Variants in KMT2C observed in about 807,000 individuals in gnomAD.
The protein encoded by KMT2C is lysine methyltransferase 2C.
KMT2C carries 88 observed loss-of-function variants against 507.9 expected under a neutral mutation model. The ratio of observed to expected loss-of-function variants is 0.17; its 90% confidence interval spans 0.15 to 0.21. KMT2C has a LOEUF of 0.21. Among genes scored for constraint, KMT2C ranks in the 10% least tolerant of loss-of-function variants. The pLI is 1.00. For missense variants in KMT2C, 4,954 were observed against 5,957.8 expected (o/e 0.83, Z 5.55); for synonymous variants, 2,049 against 2,080.8 (o/e 0.98, Z 0.42).
chr7:152,371,527 G>C (rs1047905642), intron 1 of KMT2C, among the ~76,000 whole-genome samples: 1 of 151,958 alleles, frequency 6.6e-6, no homozygotes. Flanking sequence ...GCATCTCCTT[G>C]CCTATCAATA....
intron 9 of KMT2C, among the ~76,000 whole-genome samples, chr7:152,259,575 T>C (rs1041005606): frequency 1.3e-5 from 2 of 152,152 alleles, no homozygotes; most frequent in Admixed American, 1.3e-4. Context: ...GTATTATTTT[T>C]ATTTTCTCCA....
rs182130501 is a variant in KMT2C, at chr7:152,258,879, T to C, written c.1299+4137A>G. Reference sequence around the variant, plus strand: ...GAAATTCTGAGGAAAAGCAAGATATTTGCATGGTCTTAAAGTGTCCTTACA... The same window carrying C: ...GAAATTCTGAGGAAAAGCAAGATATCTGCATGGTCTTAAAGTGTCCTTACA... On this transcript the variant is annotated intron_variant, in intron 9 of 58. Coordinates refer to ENST00000262189, the MANE Select transcript of KMT2C (RefSeq NM_170606.3). 5.2e-3 allele frequency among the ~76,000 whole-genome samples: 790 copies of C among 152,220 alleles called. 7 individuals carry two copies. Among genetic ancestry groups the C allele is most frequent in the Non-Finnish European group, 8.4e-3 (574 of 68,010 alleles).
chr7:152,412,974 G>C (rs2097698078), intron 1 of KMT2C, among the ~76,000 whole-genome samples: 1 of 151,844 alleles, frequency 6.6e-6, no homozygotes, highest in Non-Finnish European at 1.5e-5. Flanking sequence ...TAAGATTTAA[G>C]ACATAACCAA....
chr7:152,164,133 T>C (rs1431611107), intron 42 of KMT2C, among the ~76,000 whole-genome samples: 1 of 152,170 alleles, frequency 6.6e-6, no homozygotes. Context: ...ATACTATTTA[T>C]ACTATACATA....
intron 14 of KMT2C, among the ~76,000 whole-genome samples, chr7:152,240,591 T>G (rs1419905220): frequency 6.6e-6 from 1 of 152,294 alleles, no homozygotes; most frequent in Non-Finnish European, 1.5e-5. Flanking sequence ...ATTTCCATTT[T>G]CTCACACAAA....
At chr7:152,371,532 T>C (rs2097293436) in intron 1 of KMT2C, among the ~76,000 whole-genome samples, 1 of 152,004 alleles carries the variant, frequency 6.6e-6, no homozygotes, top group Non-Finnish European at 1.5e-5. Context: ...TCCTTGCCTA[T>C]CAATAATTAT....
At chr7:152,400,222 T>C (rs759662238) in intron 1 of KMT2C, among the ~76,000 whole-genome samples, 5 of 151,888 alleles carry the variant, frequency 3.3e-5, no homozygotes, top group South Asian at 2.1e-4. Context: ...TGAAGAAGAA[T>C]AGCTTGAACC....
intron 6 of KMT2C, among the ~76,000 whole-genome samples, chr7:152,276,617 G>T (rs1183158147): frequency 1.3e-5 from 2 of 152,070 alleles, no homozygotes; most frequent in African/African-American, 4.8e-5. Context: ...GGTGGGCATG[G>T]TGGCATGCAC....
At chr7:152,341,673 A>C (rs1420149547) in intron 2 of KMT2C, among the ~76,000 whole-genome samples, 2 of 152,208 alleles carry the variant, frequency 1.3e-5, no homozygotes, top group Admixed American at 6.5e-5. Flanking sequence ...TAAATAATAT[A>C]CTAAAGTTAG....
chr7:152,159,565 G>C (rs988973344), intron 43 of KMT2C, among the ~76,000 whole-genome samples: 2 of 152,172 alleles, frequency 1.3e-5, no homozygotes, highest in East Asian at 1.9e-4. Flanking sequence ...TGAGAGAACA[G>C]ATAGCACCAG....
chr7:152,330,156 G>A (rs1380142236), intron 3 of KMT2C, among the ~76,000 whole-genome samples: 1 of 132,144 alleles, frequency 7.6e-6, no homozygotes, highest in African/African-American at 2.8e-5. Flanking sequence ...AAAAGGGAGG[G>A]GGGGAGGGGT....
At chr7:152,259,475 CACACACACACACACAG>C (rs1335301493) in intron 9 of KMT2C, among the ~76,000 whole-genome samples, 3 of 149,028 alleles carry the variant, frequency 2.0e-5, no homozygotes, top group East Asian at 2.0e-4. Flanking sequence ...CACACACACA[CACACACACACACACAG>C]AGAAAGCAAG....
At chr7:152,249,014 A>G (rs1344548604) in intron 13 of KMT2C, among the ~76,000 whole-genome samples, 1 of 152,234 alleles carries the variant, frequency 6.6e-6, no homozygotes, top group Non-Finnish European at 1.5e-5. Context: ...CAAAGTTACT[A>G]TAGACTCAAA....
chr7:152,432,748 C>T (rs553700832), intron 1 of KMT2C, among the ~76,000 whole-genome samples: 9 of 152,240 alleles, frequency 5.9e-5, no homozygotes, highest in Admixed American at 2.6e-4. Flanking sequence ...CAAGAAAATG[C>T]TTTATTTACC....
chr7:152,400,267 C>G (rs1464730379), intron 1 of KMT2C, among the ~76,000 whole-genome samples: 1 of 150,014 alleles, frequency 6.7e-6, no homozygotes, highest in Non-Finnish European at 1.5e-5. Context: ...CAAGATGGTA[C>G]CACTGCACTC....
At chr7:152,394,936 TTTTA>T (rs2097527734) in intron 1 of KMT2C, among the ~76,000 whole-genome samples, 2 of 152,204 alleles carry the variant, frequency 1.3e-5, no homozygotes, top group Non-Finnish European at 2.9e-5. Context: ...GTGAGGTAAA[TTTTA>T]TTTATGGTTT....
intron 1 of KMT2C, among the ~76,000 whole-genome samples, chr7:152,391,300 T>A (rs1311447620): frequency 1.3e-5 from 2 of 151,406 alleles, no homozygotes; most frequent in Admixed American, 6.6e-5. Flanking sequence ...GTGCACTGAC[T>A]GGTTCCATCT....
In KMT2C at chr7:152,223,687, G is replaced by A. The variant is rs1340220927; in HGVS notation, c.3323+328C>T. ...CATGCACCTGTAGTCCCAGATACTC[G>A]GGAGGCTGAGGCAGGAGAATCGCTT... On this transcript the variant is annotated intron_variant, in intron 20 of 58. Coordinates refer to ENST00000262189, the MANE Select transcript of KMT2C (RefSeq NM_170606.3). Among the ~76,000 whole-genome samples, 7 of 152,096 alleles carry A rather than the reference G, an allele frequency of 4.6e-5. No homozygotes were observed. The East Asian group carries it at 9.7e-4, about 21-fold the overall frequency.
At chr7:152,213,744 T>C (rs561997693) in intron 23 of KMT2C, among the ~76,000 whole-genome samples, 1 of 138,244 alleles carries the variant, frequency 7.2e-6, no homozygotes, top group South Asian at 2.3e-4. Flanking sequence ...AGCTTCTGCA[T>C]AGCAATAAAA....
Sources: gnomAD v4.1 joint callset for allele counts (sites outside exome capture counted in the v4.1 genomes callset) on GRCh38, gnomAD v4.1.1 for gene constraint, MANE v1.5 for transcripts, NCBI Gene and HGNC (gene_info 2026-07-23, HGNC 2026-07-21) for gene names.